Variants in UBA1 observed in about 807,000 individuals in gnomAD.
The protein encoded by UBA1 is ubiquitin like modifier activating enzyme 1.
Under a neutral mutation model 84.7 loss-of-function variants are expected in UBA1, and 4 were observed. The observed-to-expected ratio is 0.05, with a 90% CI of 0.02 to 0.11. The LOEUF is 0.11. Among genes scored for constraint, UBA1 ranks in the 10% least tolerant of loss-of-function variants. The pLI is 1.00. For missense variants in UBA1, 513 were observed against 902.8 expected (o/e 0.57, Z 5.53); for synonymous variants, 364 against 362.6 (o/e 1.00, Z -0.04).
In UBA1 at chrX:47,202,456, G is replaced by A; in HGVS notation, c.1008G>A (p.Leu336=). The part of the protein sequence containing the change: ...PAQLHIGFQA[L]HQFCAQHGRP... ...AGCTGCACATTGGCTTCCAGGCCCT[G>A]CACCAGTTCTGTGCTCAGCATGGCC... is the stretch of plus-strand genomic sequence containing the variant. The change falls in exon 10 of 26, where the codon CTG becomes CTA. Residue 336 remains leucine (L), a synonymous_variant. Transcript: ENST00000335972. The A allele has an allele frequency of 8.3e-7, 1 of 1,207,717 alleles. No individual in the cohort carries two copies. Among genetic ancestry groups the A allele is most frequent in the Non-Finnish European group, 1.1e-6 (1 of 893,314 alleles).
chrX:47,194,735 C>T (rs1556784947), intron 1 of UBA1, among the ~76,000 whole-genome samples: 2 of 111,896 alleles, frequency 1.8e-5, no homozygotes, highest in African/African-American at 6.5e-5. Context: ...TCAGAGACCC[C>T]TCTTACCATC....
upstream of UBA1, among the ~76,000 whole-genome samples, chrX:47,192,498 CAT>C (rs1255239927): frequency 9.0e-6 from 1 of 110,756 alleles, no homozygotes; most frequent in South Asian, 3.7e-4. Flanking sequence ...CATATCTTAA[CAT>C]ATTACTTTTA....
chrX:47,204,848 A>C (rs1936593392), intron 14 of UBA1: 1 of 111,284 alleles, frequency 9.0e-6, no homozygotes, highest in Non-Finnish European at 1.9e-5. Context: ...TCCCCCTTTC[A>C]TTTATTTCAT....
At chrX:47,214,238 G>A (rs997648242) in intron 23 of UBA1, 89 bp from the exon 24 acceptor site, 39 of 790,016 alleles carry the variant, frequency 4.9e-5, no homozygotes, top group South Asian at 8.3e-5. Context: ...GACTAAACAC[G>A]TCTGCATGGG....
chrX:47,205,032 AC>A (rs1211094707), intron 14 of UBA1: 1 of 123,965 alleles, frequency 8.1e-6, no homozygotes, highest in African/African-American at 3.2e-5. Flanking sequence ...CTAAAACCAG[AC>A]AAGGGAAGTC....
Position 47,200,914 on chromosome X carries a change from C to G in UBA1, c.501C>G (p.Thr167=), listed in dbSNP as rs782020007. The G allele has an allele frequency of 7.5e-6, 9 of 1,200,219 alleles. No homozygotes were observed. Among genetic ancestry groups the G allele is most frequent in the Non-Finnish European group, 1.0e-5 (9 of 889,729 alleles). ...SGFQVVVLTN[T]PLEDQLRVGE... ...CACAGGTGGTGGTGCTCACCAACAC[C>G]CCCCTGGAGGACCAGCTGCGAGTGG... Residue 167 remains threonine, a synonymous_variant, in exon 6 of 26, where the codon ACC becomes ACG. Transcript: ENST00000335972.
At position 47,214,839 on chromosome X, in the gene UBA1, C is replaced by T; in HGVS notation, c.3087C>T (p.Arg1029=). 1.7e-6 allele frequency: 2 copies of T among 1,211,958 alleles called. No individual in the cohort carries two copies. The highest frequency in any genetic ancestry group is 2.2e-6 in the Non-Finnish European group (2 of 895,641). ...GTGTGTCGAAGCGAAAGCTGGGCCG[C>T]CACGTGCGGGCGCTGGTGCTTGAGC... is the stretch of plus-strand genomic sequence containing the variant. ...VSRVSKRKLG[R]HVRALVLELC... The change falls in exon 26 of 26, where the codon CGC becomes CGT. Residue 1029 remains arginine, a synonymous_variant. Coordinates refer to ENST00000335972, the MANE Select transcript of UBA1 (RefSeq NM_003334.4).
chrX:47,192,082 C>G (rs781996985), upstream of UBA1, among the ~76,000 whole-genome samples: 29 of 111,891 alleles, frequency 2.6e-4, no homozygotes, highest in Non-Finnish European at 4.9e-4. Context: ...ATCTTCACGA[C>G]AATCCTAGGA....
chrX:47,197,934 G>T, intron 1 of UBA1: 1 of 817,362 alleles, frequency 1.2e-6, no homozygotes, highest in Non-Finnish European at 1.5e-6. Context: ...GAGGTTTAGA[G>T]AAGTGCTTAC....
chrX:47,197,254 T>C, intron 1 of UBA1: 1 of 755,145 alleles, frequency 1.3e-6, no homozygotes. Flanking sequence ...TGCATGCCTC[T>C]GGGCGAGTGA....
At chrX:47,206,512 G>A in intron 16 of UBA1, 68 bp downstream of exon 16, 1 of 1,109,630 alleles carries the variant, frequency 9.0e-7, no homozygotes, top group Non-Finnish European at 1.2e-6. Context: ...CCGCCCCCAG[G>A]CCCTTGCCTT....
intron 1 of UBA1, chrX:47,197,749 C>A (rs1297410838): frequency 3.9e-6 from 2 of 513,797 alleles, no homozygotes; most frequent in African/African-American, 2.6e-5. Context: ...CGTGATAACA[C>A]GAGGAAGCAG....
Position 47,214,307 on chromosome X carries a change from C to T in UBA1, c.2839-20C>T. ...CCTCTGGGATGGTCTCCATCTTACA[C>T]TCCCCTCTTTGTCTTGCAGTACTAT... On this transcript the variant is annotated intron_variant, in intron 23 of 25. Coordinates refer to ENST00000335972, the MANE Select transcript of UBA1 (RefSeq NM_003334.4). The T allele has an allele frequency of 8.3e-7, 1 of 1,199,754 alleles. No homozygotes were observed. Among genetic ancestry groups the T allele is most frequent in the Admixed American group, 2.2e-5 (1 of 46,040 alleles).
rs1556788938 is a variant in UBA1, at chrX:47,202,940, C to T, written c.1234-3C>T. ...CACCCCCTCTCTCCCTTCCCCTCTC[C>T]AGGCCTGCTCCGGGAAGTTCATGCC... On this transcript the variant is annotated splice_region_variant and splice_polypyrimidine_tract_variant and intron_variant, in intron 11 of 25. Coordinates refer to ENST00000335972, the MANE Select transcript of UBA1 (RefSeq NM_003334.4). The T allele has an allele frequency of 2.5e-6, 3 of 1,210,661 alleles. No homozygotes were observed. The East Asian group carries it at 8.9e-5, about 36-fold the overall frequency.
upstream of UBA1, among the ~76,000 whole-genome samples, chrX:47,192,972 C>A (rs1556784545): frequency 9.0e-6 from 1 of 111,714 alleles, no homozygotes; most frequent in Non-Finnish European, 1.9e-5. Context: ...TTGATTGGAC[C>A]AAGGCAGCCC....
At chrX:47,197,131 C>G in intron 1 of UBA1, 1 of 754,948 alleles carries the variant, frequency 1.3e-6, no homozygotes, top group East Asian at 1.5e-4. Flanking sequence ...AGCAATTCAC[C>G]TGGCTATCTC....
intron 17 of UBA1, 49 bp downstream of exon 17, chrX:47,209,736 G>C: frequency 8.6e-7 from 1 of 1,168,095 alleles, no homozygotes; most frequent in Non-Finnish European, 1.2e-6. Context: ...ACCAGCCAAG[G>C]CATCCCGGCT....
intron 1 of UBA1, chrX:47,198,338 G>A (rs191071514): frequency 3.9e-5 from 37 of 949,222 alleles, no homozygotes; most frequent in Non-Finnish European, 4.5e-5. Context: ...TTATCATCTC[G>A]ATAACCCCGT....
Position 47,213,307 on chromosome X carries a change from T to G in UBA1, c.2838+126T>G, listed in dbSNP as rs1329944115. The G allele has an allele frequency of 7.3e-6, 5 of 680,615 alleles. 1 individual carries two copies. The highest frequency in any genetic ancestry group is 1.1e-5 in the Non-Finnish European group (5 of 469,792). The allele number at this position is 680,615 out of a possible 1,213,427, so 56.1% of individuals were successfully genotyped here. A position where few individuals can be genotyped will look rare whatever the true frequency, so the allele number is the denominator to read the frequency against. On this transcript the variant is annotated intron_variant, in intron 23 of 25. Transcript: ENST00000335972. ...GTGTACCTACCCTTTTTGTGTATCC[T>G]TTTTCACTTATTCATTAATCACATT... is the stretch of plus-strand genomic sequence containing the variant.
Sources: allele counts gnomAD v4.1 joint callset (sites outside exome capture counted in the v4.1 genomes callset), GRCh38; gene constraint gnomAD v4.1.1; transcripts MANE v1.5; gene names NCBI Gene and HGNC (gene_info 2026-07-23, HGNC 2026-07-21).